The following KALRN variants were observed in gnomAD, a reference collection of about 807,000 sequenced individuals.
KALRN encodes kalirin.
Under a neutral mutation model 353.7 loss-of-function variants are expected in KALRN, and 70 were observed. The observed-to-expected ratio is 0.20, with a 90% CI of 0.16 to 0.24. The LOEUF is 0.24. Ranked by LOEUF, KALRN falls within the 10% of genes least tolerant of loss-of-function variation. The pLI is 1.00. For synonymous variants in KALRN, 1,391 were observed against 1,434.8 expected (o/e 0.97, Z 0.69); for missense variants, 2,791 against 3,756.7 (o/e 0.74, Z 6.72).
At chr3:124,395,071 G>A in intron 11 of KALRN, 64 bp from the exon 12 acceptor site, 1 of 1,327,544 alleles carries the variant, frequency 7.5e-7, no homozygotes, top group Non-Finnish European at 1.1e-6. Flanking sequence ...TAGCTTCCTT[G>A]CCCTCACCCC....
chr3:124,534,394 G>A (rs920838334), intron 33 of KALRN, among the ~76,000 whole-genome samples: 1 of 152,136 alleles, frequency 6.6e-6, no homozygotes, highest in Non-Finnish European at 1.5e-5. Flanking sequence ...GCCAGGGGAG[G>A]GAGAGCATTA....
At chr3:124,556,626 C>A (rs1434250841) in intron 33 of KALRN, among the ~76,000 whole-genome samples, 2 of 152,142 alleles carry the variant, frequency 1.3e-5, no homozygotes, top group Non-Finnish European at 2.9e-5. Context: ...CTATCCGCTC[C>A]CCCATTTCTC....
intron 1 of KALRN, among the ~76,000 whole-genome samples, chr3:124,193,814 C>A (rs2075171333): frequency 6.6e-6 from 1 of 152,080 alleles, no homozygotes; most frequent in Admixed American, 6.6e-5. Context: ...AGTTTGAGCT[C>A]ACAAAGTATA....
intron 37 of KALRN, among the ~76,000 whole-genome samples, chr3:124,638,567 A>G (rs2149919612): frequency 6.6e-6 from 1 of 152,096 alleles, no homozygotes; most frequent in African/African-American, 2.4e-5. Flanking sequence ...TTTTTTCTTA[A>G]AGTCATCCTT....
intron 1 of KALRN, among the ~76,000 whole-genome samples, chr3:124,176,349 G>A (rs530665025): frequency 1.4e-4 from 22 of 152,108 alleles, no homozygotes; most frequent in Non-Finnish European, 2.6e-4. Context: ...TAATATCCAC[G>A]CAGATTACCC....
At chr3:124,617,544 T>A (rs1414491328) in intron 34 of KALRN, among the ~76,000 whole-genome samples, 2 of 152,002 alleles carry the variant, frequency 1.3e-5, no homozygotes, top group East Asian at 3.8e-4. Context: ...AGCTAAAGGG[T>A]GTATAAGCAG....
rs779767633 is a variant in KALRN at position 124,719,259 on chromosome 3, T to G, written c.8750T>G (p.Val2917Gly). The G allele has an allele frequency of 6.2e-7, 1 of 1,614,238 alleles. No individual in the cohort carries two copies. The highest frequency in any genetic ancestry group is 1.1e-5 in the South Asian group (1 of 91,084). The change falls in exon 60 of 60, where the codon GTG becomes GGG. Residue 2917 changes from valine to glycine, a missense_variant. By Grantham distance (109) the Val-to-Gly change is moderately radical. This residue lies in a region of KALRN where 188 missense variants were observed against 402.9 expected (regional missense o/e 0.47). Coordinates refer to ENST00000682506, the MANE Select transcript of KALRN (RefSeq NM_001388419.1). This position sits in a 1 kb window ranked among gnomAD's most constrained non-coding sequence, Gnocchi z 5.3. ...AATGCTGCCAGAGATTTCATCAATG[T>G]GATCTTACAGGAAGATTTTCGGAGG... ...VSNAARDFIN[V>G]ILQEDFRRRP... is the part of the protein sequence containing the mutation.
intron 6 of KALRN, among the ~76,000 whole-genome samples, chr3:124,299,468 T>C (rs950332859): frequency 6.6e-6 from 1 of 152,026 alleles, no homozygotes; most frequent in African/African-American, 2.4e-5. Context: ...CGGCAGGATG[T>C]GGCTTGGAGC....
chr3:124,624,962 G>A (rs866053926), intron 34 of KALRN, among the ~76,000 whole-genome samples: 1 of 152,066 alleles, frequency 6.6e-6, no homozygotes. Flanking sequence ...AACTTTTGAC[G>A]CTTAACATAT....
intron 1 of KALRN, among the ~76,000 whole-genome samples, chr3:124,140,991 T>A (rs1291873510): frequency 6.6e-6 from 1 of 152,248 alleles, no homozygotes; most frequent in Non-Finnish European, 1.5e-5. Context: ...GCAAATTTTT[T>A]GTTGGGCTTC....
chr3:124,040,236 T>TA (rs2149074286), intron 1 of KALRN, among the ~76,000 whole-genome samples: 1 of 152,278 alleles, frequency 6.6e-6, no homozygotes, highest in African/African-American at 2.4e-5. Flanking sequence ...ATAAAATCAA[T>TA]AAAACACTAT....
intron 53 of KALRN, among the ~76,000 whole-genome samples, chr3:124,695,750 T>C (rs1288417491): frequency 6.6e-6 from 1 of 152,084 alleles, no homozygotes; most frequent in Non-Finnish European, 1.5e-5. Flanking sequence ...TTTTTTTTTT[T>C]CCATCATTCA....
chr3:124,059,619 T>C (rs1398944698), intron 1 of KALRN, among the ~76,000 whole-genome samples: 2 of 152,248 alleles, frequency 1.3e-5, no homozygotes, highest in Admixed American at 1.3e-4. Context: ...TAATGAGATG[T>C]GTGTGCCTGT....
At chr3:124,340,124 TAAAAC>T (rs2081541010) in intron 9 of KALRN, among the ~76,000 whole-genome samples, 1 of 151,998 alleles carries the variant, frequency 6.6e-6, no homozygotes, top group Non-Finnish European at 1.5e-5. Flanking sequence ...GGGGTGGAAA[TAAAAC>T]AACACCCAAA....
intron 1 of KALRN, among the ~76,000 whole-genome samples, chr3:124,108,043 A>C (rs1282607131): frequency 6.6e-6 from 1 of 152,204 alleles, no homozygotes. Flanking sequence ...AATATATAAG[A>C]TAATGGGAGC....
intron 3 of KALRN, among the ~76,000 whole-genome samples, chr3:124,252,811 G>T (rs1181313868): frequency 2.0e-5 from 3 of 152,204 alleles, no homozygotes; most frequent in Non-Finnish European, 2.9e-5. Context: ...GAGAGCGCAT[G>T]AGCAGCACAG....
intron 1 of KALRN, among the ~76,000 whole-genome samples, chr3:124,213,363 TG>T (rs2077052793): frequency 6.6e-6 from 1 of 152,150 alleles, no homozygotes; most frequent in Non-Finnish European, 1.5e-5. Flanking sequence ...TTTTAAAATA[TG>T]CCAGATCTGT....
chr3:124,274,365 C>G (rs1335438697), intron 5 of KALRN, among the ~76,000 whole-genome samples: 1 of 152,266 alleles, frequency 6.6e-6, no homozygotes, highest in Non-Finnish European at 1.5e-5. Context: ...GTCTTCCAGT[C>G]TTTTCAGGGA....
intron 33 of KALRN, among the ~76,000 whole-genome samples, chr3:124,510,235 A>T (rs1392510573): frequency 1.3e-5 from 2 of 152,186 alleles, no homozygotes; most frequent in Non-Finnish European, 2.9e-5. Flanking sequence ...TCCACGTTAG[A>T]TTTTACTGAA....
Sources: gnomAD v4.1 joint callset for allele counts (sites outside exome capture counted in the v4.1 genomes callset) on GRCh38, gnomAD v4.1.1 for gene constraint, gnomAD v4.1.1 regional missense constraint, Gnocchi (gnomAD v3.1) non-coding constraint, MANE v1.5 for transcripts, NCBI Gene and HGNC (gene_info 2026-07-23, HGNC 2026-07-21) for gene names.